EPHA5: variants seen among roughly 807,000 people sequenced by gnomAD.
EPHA5 encodes the protein EPH receptor A5.
EPHA5 carries 60 observed loss-of-function variants against 105.0 expected under a neutral mutation model. That is an observed-to-expected ratio of 0.57 (90% CI 0.46 to 0.71). The LOEUF (loss-of-function observed/expected upper bound fraction) is 0.71. Among genes scored for constraint, EPHA5 ranks in the 30% least tolerant of loss-of-function variants. The pLI is 0.00. For missense variants in EPHA5, 1,218 were observed against 1,274.7 expected, an observed-to-expected ratio of 0.96 and a Z score of 0.68; for synonymous variants, 513 against 449.1, an observed-to-expected ratio of 1.14 and a Z score of -1.80.
chr4:65,421,096 C>G (rs1451410582), intron 5 of EPHA5, among the ~76,000 whole-genome samples: 2 of 151,912 alleles, frequency 1.3e-5, no homozygotes, highest in African/African-American at 4.8e-5. Context: ...AAAATAAGAG[C>G]AAATAAAATA....
chr4:65,541,470 A>T (rs1313012541), intron 3 of EPHA5, among the ~76,000 whole-genome samples: 7 of 151,978 alleles, frequency 4.6e-5, no homozygotes, highest in Non-Finnish European at 1.0e-4. Context: ...GACAAAACAG[A>T]CTTTAAACCA....
intron 3 of EPHA5, among the ~76,000 whole-genome samples, chr4:65,574,991 A>G (rs1192854883): frequency 6.6e-6 from 1 of 151,832 alleles, no homozygotes; most frequent in Non-Finnish European, 1.5e-5. Flanking sequence ...GGAGGCTGGT[A>G]CAGGTGTGTA....
chr4:65,396,716 A>T (rs1391368109), intron 8 of EPHA5, among the ~76,000 whole-genome samples: 1 of 152,206 alleles, frequency 6.6e-6, no homozygotes. Flanking sequence ...CTTCCTGGAA[A>T]GGCAAAGAGG....
chr4:65,486,387 T>C (rs1005561915), intron 5 of EPHA5, among the ~76,000 whole-genome samples: 1 of 152,090 alleles, frequency 6.6e-6, no homozygotes, highest in Non-Finnish European at 1.5e-5. Flanking sequence ...GAATTTATTA[T>C]GGATGTTTTT....
At chr4:65,359,601 T>G (rs11721996) in intron 11 of EPHA5, among the ~76,000 whole-genome samples, 12,723 of 151,602 alleles carry the variant, frequency 0.084, 587 homozygotes, top group Middle Eastern at 0.13. Context: ...TATCATTGAC[T>G]CCTCACTTTT....
chr4:65,495,079 A>G (rs1227244553), intron 4 of EPHA5, among the ~76,000 whole-genome samples: 1 of 152,182 alleles, frequency 6.6e-6, no homozygotes, highest in East Asian at 1.9e-4. Context: ...TAGATTATCA[A>G]AGTCATGTTT....
chr4:65,632,627 T>A (rs923752303), intron 2 of EPHA5, among the ~76,000 whole-genome samples: 2 of 151,596 alleles, frequency 1.3e-5, no homozygotes, highest in African/African-American at 4.8e-5. Flanking sequence ...CAGTAACTGA[T>A]ATAGGTAATG....
At chr4:65,475,045 AG>A in intron 5 of EPHA5, among the ~76,000 whole-genome samples, 1 of 152,310 alleles carries the variant, frequency 6.6e-6, no homozygotes, top group Non-Finnish European at 1.5e-5. Context: ...GAGGCAAAAT[AG>A]AGACTAAAAA....
chr4:65,536,683 C>T (rs1391367974), intron 3 of EPHA5, among the ~76,000 whole-genome samples: 1 of 150,324 alleles, frequency 6.7e-6, no homozygotes, highest in Non-Finnish European at 1.5e-5. Context: ...AATAATTCAG[C>T]AATTTAATCC....
At chr4:65,551,613 C>T (rs536788454) in intron 3 of EPHA5, among the ~76,000 whole-genome samples, 16 of 152,096 alleles carry the variant, frequency 1.1e-4, no homozygotes, top group Non-Finnish European at 1.5e-4. Context: ...CATTTTTATT[C>T]TATGTCAAGC....
rs1374293341 is a variant in EPHA5 at position 65,361,638 on chromosome 4, T to C, written c.2173+3379A>G. ...CTAAGGAAATATATTTGAAAGATAA[T>C]TATAAATTTACAAAGTAAGTCAAAA... On this transcript the variant is annotated intron_variant, in intron 11 of 16. Transcript: ENST00000613740. Among the ~76,000 whole-genome samples, 5 of 151,648 alleles carry C rather than the reference T, an allele frequency of 3.3e-5. No homozygotes were observed. The East Asian group carries it at 9.7e-4, about 29-fold the overall frequency.
intron 3 of EPHA5, among the ~76,000 whole-genome samples, chr4:65,506,195 C>T (rs1733004431): frequency 6.6e-6 from 1 of 152,084 alleles, no homozygotes; most frequent in Non-Finnish European, 1.5e-5. Context: ...TTTTTTATGG[C>T]TGCATAGTAT....
At chr4:65,465,523 GAA>G (rs373304377) in intron 5 of EPHA5, among the ~76,000 whole-genome samples, 13 of 86,518 alleles carry the variant, frequency 1.5e-4, no homozygotes, top group African/African-American at 2.2e-4. Flanking sequence ...AAGAAAGAAA[GAA>G]AGAAAAGAAA....
intron 5 of EPHA5, among the ~76,000 whole-genome samples, chr4:65,443,930 C>CGT (rs1560542031): frequency 1.5e-4 from 15 of 98,450 alleles, no homozygotes; most frequent in African/African-American, 4.9e-4. Flanking sequence ...TGTGTGTGTG[C>CGT]GTGCACGTGT....
intron 3 of EPHA5, among the ~76,000 whole-genome samples, chr4:65,593,467 C>G (rs1742870475): frequency 1.3e-5 from 2 of 152,130 alleles, no homozygotes; most frequent in South Asian, 4.1e-4. Context: ...TCTTTCAGTG[C>G]TTCTTAAACT....
At chr4:65,536,601 C>T (rs1233763033) in intron 3 of EPHA5, among the ~76,000 whole-genome samples, 6 of 151,696 alleles carry the variant, frequency 4.0e-5, no homozygotes, top group Non-Finnish European at 8.9e-5. Context: ...TGAATTCTAA[C>T]TACATTTTTA....
intron 5 of EPHA5, among the ~76,000 whole-genome samples, chr4:65,467,206 C>T (rs971044083): frequency 1.3e-5 from 2 of 152,068 alleles, no homozygotes; most frequent in Non-Finnish European, 2.9e-5. Flanking sequence ...AGGGTGCCAG[C>T]CAGTCAGAAT....
At chr4:65,354,444 C>A (rs946864438) in intron 11 of EPHA5, among the ~76,000 whole-genome samples, 1 of 151,624 alleles carries the variant, frequency 6.6e-6, no homozygotes, top group Non-Finnish European at 1.5e-5. Context: ...TTAAGACACA[C>A]CCCTTTACTC....
chr4:65,330,775 G>C, intron 16 of EPHA5: 2 of 1,025,082 alleles, frequency 2.0e-6, no homozygotes, highest in Non-Finnish European at 2.3e-6. Flanking sequence ...TGGGTTCCTT[G>C]AGTGTCCAAA....
Sources: gnomAD v4.1 joint callset for allele counts (sites outside exome capture counted in the v4.1 genomes callset) on GRCh38, gnomAD v4.1.1 for gene constraint, MANE v1.5 for transcripts, NCBI Gene and HGNC (gene_info 2026-07-23, HGNC 2026-07-21) for gene names.